The following PRCD variants were observed in gnomAD, a reference collection of about 807,000 sequenced individuals.
The protein encoded by PRCD is photoreceptor disk component PRCD.
In PRCD, 12 loss-of-function variants were observed where a neutral mutation model predicts 10.1. That is an observed-to-expected ratio of 1.18 (90% CI 0.76 to 1.92). The LOEUF (loss-of-function observed/expected upper bound fraction) is 1.92. Among genes scored for constraint, PRCD ranks in the 40% most tolerant of loss-of-function variants. PRCD has a pLI of 0.00. For synonymous variants in PRCD, 31 were observed against 26.2 expected (o/e 1.18, Z -0.56); for missense variants, 61 against 72.2 (o/e 0.84, Z 0.56).
chr17:76,544,963 G>T lies in PRCD; in HGVS notation c.*1313G>T. 4.4e-6 allele frequency: 2 copies of T among 456,692 alleles called. No homozygotes were observed. The highest frequency in any genetic ancestry group is 1.5e-5 in the South Asian group (1 of 64,568). The allele number at this position is 456,692 out of a possible 1,614,324, so 28.3% of individuals were successfully genotyped here. A position where few individuals can be genotyped will look rare whatever the true frequency, so the allele number is the denominator to read the frequency against. ...CCAGGGATCCATCCAGAGGAAGGGC[G>T]GGAAAAAGAGAGGAAGGGGCTGCTG... On this transcript the variant is annotated 3_prime_UTR_variant, in exon 5 of 5. Transcript: ENST00000592014.
At chr17:76,535,125 TG>T (rs1443487279), upstream of PRCD, among the ~76,000 whole-genome samples, 5 of 152,006 alleles carry the variant, frequency 3.3e-5, no homozygotes, top group Non-Finnish European at 7.4e-5. Flanking sequence ...AATGGAAGTG[TG>T]GGGTCTGCCT....
Position 76,533,290 on chromosome 17 carries a change from C to T in PRCD, n.45+5457C>T, listed in dbSNP as rs768433855. ...CCCCGCTCACTGCTTCATGGATACA[C>T]GGGTGAGGACACGTGAGGCGACGGG... On this transcript the variant is annotated intron_variant and non_coding_transcript_variant, in intron 1 of 4. Coordinates refer to the PRCD transcript ENST00000397633. The surrounding 1 kb of genome is among the most constrained non-coding windows in gnomAD (Gnocchi z 4.5). Among the ~76,000 whole-genome samples, 24 of 152,298 alleles carry T rather than the reference C, an allele frequency of 1.6e-4. 1 individual carries two copies. The highest frequency in any genetic ancestry group is 3.6e-4 in the African/African-American group (15 of 41,550).
intron 1 of PRCD, chr17:76,527,850 G>T (rs1018901076): frequency 1.3e-5 from 6 of 452,412 alleles, no homozygotes; most frequent in African/African-American, 1.2e-4. Context: ...CAGTTCCTCT[G>T]AGGGAGTAGG....
At chr17:76,536,146 C>G (rs185650920), upstream of PRCD, among the ~76,000 whole-genome samples, 1 of 152,316 alleles carries the variant, frequency 6.6e-6, no homozygotes, top group East Asian at 1.9e-4. Flanking sequence ...TGTTTCTGGG[C>G]TTGGGGGCTG....
upstream of PRCD, chr17:76,539,941 G>C (rs1387547225): frequency 1.6e-6 from 1 of 611,608 alleles, no homozygotes; most frequent in Non-Finnish European, 2.9e-6. Context: ...CTGGAGGGGA[G>C]AACCTGGGCC....
rs2074797887 is a variant in PRCD at position 76,528,853 on chromosome 17, T to C, written n.45+1020T>C. ...CGGATCTTTTTCTCTAAAATGTGAATAATGTCTGTCTTGTGACATAAACTG... is the reference window on the plus strand; with the variant it reads ...CGGATCTTTTTCTCTAAAATGTGAACAATGTCTGTCTTGTGACATAAACTG... On this transcript the variant is annotated intron_variant and non_coding_transcript_variant, in intron 1 of 4. Transcript: ENST00000397633. This position sits in a 1 kb window ranked among gnomAD's most constrained non-coding sequence, Gnocchi z 5.8. The C allele has an allele frequency of 8.2e-7, 1 of 1,216,688 alleles. No individual in the cohort carries two copies. The highest frequency in any genetic ancestry group is 4.3e-5 in the South Asian group (1 of 23,252). The allele number at this position is 1,216,688 out of a possible 1,614,324, so 75.4% of individuals were successfully genotyped here.
In PRCD at chr17:76,530,859, T is replaced by C; in HGVS notation, n.45+3026T>C. On this transcript the variant is annotated intron_variant and non_coding_transcript_variant, in intron 1 of 4. Coordinates refer to the PRCD transcript ENST00000397633. The surrounding 1 kb of genome is among the most constrained non-coding windows in gnomAD (Gnocchi z 6.1). The stretch of plus-strand genomic sequence containing the variant: ...TACATGTCAGACCCCAGGGTTGGCC[T>C]GCCTCAAGTGTGCCTGCCCAGGTGA... 2 of 1,185,374 alleles carry C rather than the reference T, an allele frequency of 1.7e-6. No homozygotes were observed. The highest frequency in any genetic ancestry group is 1.7e-5 in the South Asian group (1 of 59,542). The allele number at this position is 1,185,374 out of a possible 1,614,324, so 73.4% of individuals were successfully genotyped here.
chr17:76,532,996 C>T (rs2074866229), intron 1 of PRCD, among the ~76,000 whole-genome samples: 2 of 152,320 alleles, frequency 1.3e-5, no homozygotes, highest in South Asian at 4.1e-4. Flanking sequence ...TTCGTGTGTC[C>T]CCTTTGCGAT....
At chr17:76,549,438 C>T (rs998630932), downstream of PRCD, among the ~76,000 whole-genome samples, 2 of 152,230 alleles carry the variant, frequency 1.3e-5, no homozygotes, top group Admixed American at 1.3e-4. Flanking sequence ...TGACATACCA[C>T]TACATGCCTA....
At chr17:76,529,382 C>T (rs2074806586) in intron 1 of PRCD, 4 of 985,192 alleles carry the variant, frequency 4.1e-6, no homozygotes, top group African/African-American at 3.5e-5. Flanking sequence ...CAGAAGTGGG[C>T]GGAGGAGGAG....
intron 4 of PRCD, 92 bp downstream of exon 4, chr17:76,543,213 G>A: frequency 2.5e-6 from 1 of 405,474 alleles, no homozygotes; most frequent in Admixed American, 3.0e-5. Flanking sequence ...GCTGGGCCTG[G>A]CAGAAAGAGC....
rs201780371 is a variant in PRCD at position 76,531,472 on chromosome 17, C to A, written n.45+3639C>A. The A allele has an allele frequency of 6.2e-7, 1 of 1,609,140 alleles. No individual in the cohort carries two copies. The highest frequency in any genetic ancestry group is 8.5e-7 in the Non-Finnish European group (1 of 1,175,954). ...TGGGGGCGCATACCTTGAAGTACAC[C>A]GGTTCCACCTTGTGCTTGAGGGCGT... On this transcript the variant is annotated intron_variant and non_coding_transcript_variant, in intron 1 of 4. Transcript: ENST00000397633. The surrounding 1 kb of genome is among the most constrained non-coding windows in gnomAD (Gnocchi z 7.4).
rs1161658251 is a variant in PRCD at position 76,544,866 on chromosome 17, A to C, written c.*1216A>C. The stretch of plus-strand genomic sequence containing the variant: ...AGGTCATGGAGCTGGCTCACGGCCC[A>C]GACGCACTTCCCCAGGGCAGCGCCC... On this transcript the variant is annotated 3_prime_UTR_variant, in exon 5 of 5. Coordinates refer to ENST00000592014, the MANE Select transcript of PRCD (RefSeq NM_001077620.3). The C allele has an allele frequency of 1.1e-5, 5 of 456,672 alleles. No homozygotes were observed. The highest frequency in any genetic ancestry group is 2.2e-5 in the Non-Finnish European group (5 of 226,992). The allele number at this position is 456,672 out of a possible 1,614,324, so 28.3% of individuals were successfully genotyped here.
rs752535991 is a variant in PRCD, at chr17:76,531,440, C to G, written n.45+3607C>G. ...TGACGCGTGGGCGGTGGGGGCTCTGCAGCAGATGGGGGCGCATACCTTGAA... is the reference window on the plus strand; with the variant it reads ...TGACGCGTGGGCGGTGGGGGCTCTGGAGCAGATGGGGGCGCATACCTTGAA... On this transcript the variant is annotated intron_variant and non_coding_transcript_variant, in intron 1 of 4. Coordinates refer to the PRCD transcript ENST00000397633. This position sits in a 1 kb window ranked among gnomAD's most constrained non-coding sequence, Gnocchi z 7.4. 2 of 1,594,790 alleles carry G rather than the reference C, an allele frequency of 1.3e-6. No homozygotes were observed. Among genetic ancestry groups the G allele is most frequent in the African/African-American group, 2.7e-5 (2 of 74,616 alleles).
chr17:76,530,889 C>T lies in PRCD; in HGVS notation n.45+3056C>T. 5 of 1,423,182 alleles carry T rather than the reference C, an allele frequency of 3.5e-6. No individual in the cohort carries two copies. In the South Asian group the frequency reaches 7.0e-5, roughly 20 times the overall value. The allele number at this position is 1,423,182 out of a possible 1,614,324, so 88.2% of individuals were successfully genotyped here. On this transcript the variant is annotated intron_variant and non_coding_transcript_variant, in intron 1 of 4. Coordinates refer to the PRCD transcript ENST00000397633. This position sits in a 1 kb window ranked among gnomAD's most constrained non-coding sequence, Gnocchi z 6.1. ...CAAGTGTGCCTGCCCAGGTGATCAG[C>T]CCCAGGGCCTCAGGAGATATGGGAG...
Position 76,544,081 on chromosome 17 carries a change from C to T in PRCD, c.*431C>T. On this transcript the variant is annotated 3_prime_UTR_variant, in exon 5 of 5. Transcript: ENST00000592014. Reference sequence around the variant, plus strand: ...CTCTGCCATTTCTCTCTTTTCAATCCTGCATGATCCTGAGCAGAGATAAAA... The same window carrying T: ...CTCTGCCATTTCTCTCTTTTCAATCTTGCATGATCCTGAGCAGAGATAAAA... The T allele has an allele frequency of 2.2e-6, 1 of 454,534 alleles. No homozygotes were observed. The highest frequency in any genetic ancestry group is 6.9e-5 in the East Asian group (1 of 14,414). The allele number at this position is 454,534 out of a possible 1,614,324, so 28.2% of individuals were successfully genotyped here.
At chr17:76,532,246 C>T (rs777668810) in intron 1 of PRCD, among the ~76,000 whole-genome samples, 10 of 152,246 alleles carry the variant, frequency 6.6e-5, no homozygotes, top group Non-Finnish European at 1.5e-4. Flanking sequence ...ACATTCCCCA[C>T]TATACTCGCA....
At chr17:76,527,693 A>G (rs1007486109), upstream of PRCD, 2 of 453,896 alleles carry the variant, frequency 4.4e-6, no homozygotes, top group Non-Finnish European at 8.8e-6. Flanking sequence ...CCTGCTGCCC[A>G]GCAGCCCGGA....
At chr17:76,529,720 G>A in intron 1 of PRCD, 2 of 985,382 alleles carry the variant, frequency 2.0e-6, no homozygotes, top group Non-Finnish European at 2.4e-6. Context: ...GACAGCTGGT[G>A]GGGGGTGAGG....
Sources: allele counts gnomAD v4.1 joint callset (sites outside exome capture counted in the v4.1 genomes callset), GRCh38; gene constraint gnomAD v4.1.1; non-coding constraint Gnocchi (gnomAD v3.1); transcripts MANE v1.5; gene names NCBI Gene and HGNC (gene_info 2026-07-23, HGNC 2026-07-21).